The following SAMMSON variants were observed in gnomAD, a reference collection of about 807,000 sequenced individuals.
The protein encoded by SAMMSON is survival associated mitochondrial melanoma specific oncogenic non-coding RNA.
rs192132391 is a variant in SAMMSON, at chr3:70,262,849, C to T, written n.674+13179C>T. On this transcript the variant is annotated intron_variant and non_coding_transcript_variant, in intron 6 of 9. Transcript: ENST00000642114. Reference sequence around the variant, plus strand: ...ACTATGTTAGATGACCTGATATTGTCCCACAGGTCAATAAGGTTGGGTTTT... The same window carrying T: ...ACTATGTTAGATGACCTGATATTGTTCCACAGGTCAATAAGGTTGGGTTTT... 1.3e-3 allele frequency among the ~76,000 whole-genome samples: 196 copies of T among 152,236 alleles called. 1 individual carries two copies. The highest frequency in any genetic ancestry group is 3.4e-3 in the Admixed American group (52 of 15,292).
At chr3:70,274,578 A>G (rs1702003951) in intron 6 of SAMMSON, among the ~76,000 whole-genome samples, 1 of 152,244 alleles carries the variant, frequency 6.6e-6, no homozygotes, top group East Asian at 1.9e-4. Flanking sequence ...GAGCTGAACA[A>G]TGAGGACACA....
chr3:70,037,256 C>G (rs1328364696), intron 3 of SAMMSON, among the ~76,000 whole-genome samples: 1 of 151,918 alleles, frequency 6.6e-6, no homozygotes, highest in East Asian at 1.9e-4. Flanking sequence ...TTCACACTGT[C>G]CTTCCCCTCT....
At chr3:70,407,758 T>C (rs1306168630) in intron 2 of SAMMSON, among the ~76,000 whole-genome samples, 1 of 152,180 alleles carries the variant, frequency 6.6e-6, no homozygotes, top group African/African-American at 2.4e-5. Flanking sequence ...GGATCTACCA[T>C]TCTGCAGTCT....
At chr3:70,258,402 T>C (rs1379616447) in intron 6 of SAMMSON, among the ~76,000 whole-genome samples, 1 of 152,150 alleles carries the variant, frequency 6.6e-6, no homozygotes, top group Non-Finnish European at 1.5e-5. Flanking sequence ...ATAACTTCAA[T>C]TGAGAATACA....
intron 4 of SAMMSON, among the ~76,000 whole-genome samples, chr3:70,114,378 T>A (rs1464498550): frequency 6.6e-6 from 1 of 152,234 alleles, no homozygotes; most frequent in Non-Finnish European, 1.5e-5. Flanking sequence ...GATAAGTTTC[T>A]TCCTCAACGA....
intron 4 of SAMMSON, among the ~76,000 whole-genome samples, chr3:70,132,258 G>A (rs1347387512): frequency 1.3e-5 from 2 of 152,098 alleles, no homozygotes; most frequent in African/African-American, 2.4e-5. Context: ...ATAAAAGACC[G>A]TTGACCATGG....
At chr3:70,176,736 A>C (rs1328303226) in intron 4 of SAMMSON, among the ~76,000 whole-genome samples, 2 of 152,212 alleles carry the variant, frequency 1.3e-5, no homozygotes, top group African/African-American at 4.8e-5. Context: ...GTGTTCAAAT[A>C]TGTTAATGCC....
chr3:70,284,329 C>T (rs1216865985), intron 6 of SAMMSON, among the ~76,000 whole-genome samples: 1 of 152,092 alleles, frequency 6.6e-6, no homozygotes, highest in Non-Finnish European at 1.5e-5. Context: ...TAGCCTTGTT[C>T]CAAGTTGTAA....
chr3:70,403,866 A>G (rs768553462), intron 2 of SAMMSON, among the ~76,000 whole-genome samples: 9 of 152,114 alleles, frequency 5.9e-5, no homozygotes, highest in Non-Finnish European at 1.0e-4. Flanking sequence ...TATGATCCTT[A>G]TGTTTGATAA....
intron 3 of SAMMSON, among the ~76,000 whole-genome samples, chr3:70,060,732 T>C (rs1478479028): frequency 1.3e-5 from 2 of 152,130 alleles, no homozygotes; most frequent in Non-Finnish European, 2.9e-5. Flanking sequence ...AAGAATGATC[T>C]GGCCCAACAT....
At chr3:70,293,389 G>A (rs1320001923) in intron 7 of SAMMSON, among the ~76,000 whole-genome samples, 1 of 152,074 alleles carries the variant, frequency 6.6e-6, no homozygotes, top group African/African-American at 2.4e-5. Flanking sequence ...CTAATTTGGG[G>A]ATGAGAGCCA....
chr3:70,298,869 C>T (rs1702317777), intron 7 of SAMMSON, among the ~76,000 whole-genome samples: 1 of 152,096 alleles, frequency 6.6e-6, no homozygotes, highest in Admixed American at 6.6e-5. Flanking sequence ...ACCTGGGTGA[C>T]TTTGGACCAA....
intron 2 of SAMMSON, among the ~76,000 whole-genome samples, chr3:70,434,222 A>G (rs1701439166): frequency 6.6e-6 from 1 of 152,204 alleles, no homozygotes; most frequent in Non-Finnish European, 1.5e-5. Flanking sequence ...ATTGGGAAAG[A>G]CTGACATTTT....
At chr3:70,257,676 GGA>G (rs1202791034) in intron 6 of SAMMSON, among the ~76,000 whole-genome samples, 3 of 152,136 alleles carry the variant, frequency 2.0e-5, no homozygotes, top group Non-Finnish European at 4.4e-5. Flanking sequence ...CTAAATTAAT[GGA>G]GATACATACT....
chr3:70,351,033 T>C (rs1201412225), intron 7 of SAMMSON, among the ~76,000 whole-genome samples: 3 of 152,294 alleles, frequency 2.0e-5, no homozygotes, highest in African/African-American at 7.2e-5. Context: ...AATATGTACC[T>C]GAAATATATC....
At chr3:70,255,192 AG>A (rs1324799518) in intron 6 of SAMMSON, among the ~76,000 whole-genome samples, 1 of 152,248 alleles carries the variant, frequency 6.6e-6, no homozygotes, top group African/African-American at 2.4e-5. Flanking sequence ...GTCTAAAAAA[AG>A]AAAAGTAAAA....
chr3:70,419,669 C>T (rs552145025), intron 2 of SAMMSON, among the ~76,000 whole-genome samples: 7 of 152,232 alleles, frequency 4.6e-5, no homozygotes, highest in South Asian at 2.1e-4. Context: ...GACTGAGTCC[C>T]GCTCTGTCAC....
At chr3:70,020,328 G>T (rs1022543763) in intron 3 of SAMMSON, among the ~76,000 whole-genome samples, 3 of 152,108 alleles carry the variant, frequency 2.0e-5, no homozygotes, top group Admixed American at 6.6e-5. Flanking sequence ...ACAGGAACAT[G>T]GGTCTTCAGG....
chr3:70,099,621 C>T (rs1199188243), intron 4 of SAMMSON, among the ~76,000 whole-genome samples: 1 of 151,874 alleles, frequency 6.6e-6, no homozygotes, highest in Non-Finnish European at 1.5e-5. Context: ...TATGTTTTGC[C>T]AAAATTATTA....
Sources: gnomAD v4.1 joint callset for allele counts (sites outside exome capture counted in the v4.1 genomes callset) on GRCh38, gnomAD v4.1.1 for gene constraint, MANE v1.5 for transcripts, NCBI Gene and HGNC (gene_info 2026-07-23, HGNC 2026-07-21) for gene names.